TMEFF2: variants seen among roughly 807,000 people sequenced by gnomAD.
TMEFF2 encodes transmembrane protein with EGF like and two follistatin like domains 2, also known as tomoregulin-2.
Under a neutral mutation model 53.8 loss-of-function variants are expected in TMEFF2, and 28 were observed. That is an observed-to-expected ratio of 0.52 (90% CI 0.39 to 0.71). TMEFF2 has a LOEUF of 0.71. Ranked by LOEUF, TMEFF2 falls within the 30% of genes least tolerant of loss-of-function variation. The pLI is 0.00. For synonymous variants in TMEFF2, 162 were observed against 166.3 expected (o/e 0.97, Z 0.20); for missense variants, 353 against 455.2 (o/e 0.78, Z 2.04).
chr2:192,069,990 A>G (rs6718458), intron 4 of TMEFF2, among the ~76,000 whole-genome samples: 266 of 1,440 alleles, frequency 0.18, 27 homozygotes, highest in Middle Eastern at 0.5. Context: ...GTGTGTGTGT[A>G]TATATATATA....
chr2:192,033,824 G>C (rs1336527617), intron 5 of TMEFF2, among the ~76,000 whole-genome samples: 1 of 152,092 alleles, frequency 6.6e-6, no homozygotes, highest in Admixed American at 6.5e-5. Context: ...TTGTTAGTGA[G>C]AATTCTCTAG....
chr2:191,960,802 A>G (rs1285720908), intron 7 of TMEFF2, among the ~76,000 whole-genome samples: 1 of 152,168 alleles, frequency 6.6e-6, no homozygotes, highest in African/African-American at 2.4e-5. Context: ...AAACAACTAG[A>G]GCTGTTCAGT....
intron 4 of TMEFF2, among the ~76,000 whole-genome samples, chr2:192,154,760 C>T (rs1690467721): frequency 6.6e-6 from 1 of 151,850 alleles, no homozygotes; most frequent in East Asian, 1.9e-4. Context: ...GGAATTGAAA[C>T]ATATACATAT....
At chr2:192,071,641 T>C (rs540217119) in intron 4 of TMEFF2, among the ~76,000 whole-genome samples, 1 of 151,988 alleles carries the variant, frequency 6.6e-6, no homozygotes, top group Admixed American at 6.6e-5. Flanking sequence ...TAATATAAAA[T>C]TGTGTAGTAA....
chr2:192,165,724 G>C (rs552406012), intron 4 of TMEFF2, among the ~76,000 whole-genome samples: 2 of 148,082 alleles, frequency 1.4e-5, no homozygotes, highest in African/African-American at 5.1e-5. Context: ...TTTTTCTTTT[G>C]CATAGTCTTG....
intron 4 of TMEFF2, among the ~76,000 whole-genome samples, chr2:192,153,570 C>A (rs1690437491): frequency 1.3e-5 from 2 of 151,810 alleles, no homozygotes; most frequent in South Asian, 4.2e-4. Context: ...ATTTTGCCAA[C>A]CATGGGACAT....
At chr2:191,977,306 C>T (rs1248093202) in intron 7 of TMEFF2, among the ~76,000 whole-genome samples, 1 of 152,204 alleles carries the variant, frequency 6.6e-6, no homozygotes, top group Non-Finnish European at 1.5e-5. Flanking sequence ...AGCTATTGTA[C>T]AGTCCCGCTG....
chr2:191,964,210 CTCTTTCTG>C (rs1367470288), intron 7 of TMEFF2, among the ~76,000 whole-genome samples: 3 of 148,676 alleles, frequency 2.0e-5, no homozygotes, highest in Admixed American at 6.7e-5. Context: ...CTTTCTTTCT[CTCTTTCTG>C]TCTGTCTTTC....
intron 4 of TMEFF2, among the ~76,000 whole-genome samples, chr2:192,128,325 T>C (rs1023912574): frequency 6.6e-6 from 1 of 152,234 alleles, no homozygotes; most frequent in African/African-American, 2.4e-5. Context: ...AATATAAGAA[T>C]ATTCTTAGTT....
chr2:191,957,348 A>G (rs969496870), intron 7 of TMEFF2, among the ~76,000 whole-genome samples: 5 of 152,194 alleles, frequency 3.3e-5, no homozygotes, highest in Admixed American at 3.3e-4. Context: ...TATAGCTTTT[A>G]TGAACTCAAT....
intron 5 of TMEFF2, among the ~76,000 whole-genome samples, chr2:192,015,525 G>A (rs1686725521): frequency 6.6e-6 from 1 of 151,868 alleles, no homozygotes; most frequent in South Asian, 2.1e-4. Context: ...TCATATTCAC[G>A]ATGTTTTTAA....
intron 2 of TMEFF2, among the ~76,000 whole-genome samples, chr2:192,191,560 A>AT (rs1691461537): frequency 6.6e-6 from 1 of 152,142 alleles, no homozygotes; most frequent in Non-Finnish European, 1.5e-5. Context: ...CTTACCCCCT[A>AT]TTTTGACTAT....
intron 3 of TMEFF2, among the ~76,000 whole-genome samples, chr2:192,184,124 G>A (rs1290221586): frequency 2.0e-5 from 3 of 151,944 alleles, no homozygotes; most frequent in Non-Finnish European, 4.4e-5. Flanking sequence ...AATGACATAC[G>A]TACTTAAATC....
chr2:192,020,694 G>A (rs1027756979), intron 5 of TMEFF2, among the ~76,000 whole-genome samples: 3 of 152,030 alleles, frequency 2.0e-5, no homozygotes, highest in Non-Finnish European at 4.4e-5. Flanking sequence ...ATTAATGGCT[G>A]CATATCTAAT....
chr2:192,005,876 G>C (rs1686488182), intron 5 of TMEFF2, among the ~76,000 whole-genome samples: 1 of 152,114 alleles, frequency 6.6e-6, no homozygotes. Flanking sequence ...GATGGAACTT[G>C]ATTATAAGTA....
intron 4 of TMEFF2, among the ~76,000 whole-genome samples, chr2:192,105,694 T>A (rs576925713): frequency 6.6e-6 from 1 of 152,070 alleles, no homozygotes; most frequent in Non-Finnish European, 1.5e-5. Flanking sequence ...TACATGCCAT[T>A]CATGTGCCAT....
intron 4 of TMEFF2, among the ~76,000 whole-genome samples, chr2:192,100,986 A>C (rs2105944325): frequency 6.6e-6 from 1 of 152,312 alleles, no homozygotes; most frequent in East Asian, 1.9e-4. Flanking sequence ...ACAAAATTTT[A>C]CCAGCTGTAT....
chr2:191,954,987 A>G (rs557851820), intron 8 of TMEFF2, among the ~76,000 whole-genome samples: 3 of 152,078 alleles, frequency 2.0e-5, no homozygotes, highest in Non-Finnish European at 4.4e-5. Context: ...TCCATCAGGA[A>G]GGGTTTAATA....
At position 192,039,876 on chromosome 2, in the gene TMEFF2, C is replaced by T. The variant is rs542209631; in HGVS notation, c.536+17803G>A. On this transcript the variant is annotated intron_variant, in intron 5 of 9. Transcript: ENST00000272771. ...ATAATTGAAAGGAGACTAAGGAATA[C>T]AGTGGCCATGTATTCCTCATGTTTT... is the stretch of plus-strand genomic sequence containing the variant. 8.8e-4 allele frequency among the ~76,000 whole-genome samples: 134 copies of T among 152,180 alleles called. 1 individual carries two copies. Among genetic ancestry groups the T allele is most frequent in the African/African-American group, 3.0e-3 (124 of 41,548 alleles).
Sources: gnomAD v4.1 joint callset for allele counts (sites outside exome capture counted in the v4.1 genomes callset) on GRCh38, gnomAD v4.1.1 for gene constraint, MANE v1.5 for transcripts, NCBI Gene and HGNC (gene_info 2026-07-23, HGNC 2026-07-21) for gene names.